The following COL11A1 variants were observed in gnomAD, a reference collection of about 807,000 sequenced individuals.
The protein encoded by COL11A1 is collagen alpha-1(XI) chain.
In COL11A1, 74 loss-of-function variants were observed where a neutral mutation model predicts 265.2. That is an observed-to-expected ratio of 0.28 (90% confidence interval 0.23 to 0.34). COL11A1 has a LOEUF of 0.34. COL11A1 is among the 10% of genes least tolerant of loss of function. COL11A1 has a pLI of 1.00. For missense variants in COL11A1, 2,165 were observed against 2,263.6 expected (o/e 0.96, Z 0.88); for synonymous variants, 816 against 727.6 (o/e 1.12, Z -1.96).
At chr1:102,881,593 T>C (rs1650249396) in intron 65 of COL11A1, 104 bp downstream of exon 65, 2 of 922,298 alleles carry the variant, frequency 2.2e-6, no homozygotes, top group Non-Finnish European at 3.5e-6. Context: ...GGAATCCTCA[T>C]TTAGCATAAT....
chr1:102,914,272 A>ATTTTT, intron 52 of COL11A1, 80 bp downstream of exon 52: 1 of 1,120,984 alleles, frequency 8.9e-7, no homozygotes, highest in African/African-American at 1.5e-5. Context: ...AGGTTATTAG[A>ATTTTT]TTTTTTTTTC....
chr1:103,027,344 C>T (rs3934352), intron 5 of COL11A1, among the ~76,000 whole-genome samples: 96,411 of 142,620 alleles, frequency 0.68, 34,459 homozygotes, highest in East Asian at 0.93. Flanking sequence ...TAACTAAATA[C>T]ACTAAGTCAT....
chr1:103,003,324 A>C, intron 20 of COL11A1, 56 bp from the exon 21 acceptor site: 1 of 1,507,466 alleles, frequency 6.6e-7, no homozygotes, highest in Admixed American at 1.8e-5. Context: ...TCCTAATAAC[A>C]TGCCTCTTTC....
intron 41 of COL11A1, among the ~76,000 whole-genome samples, chr1:102,960,114 C>G (rs990441672): frequency 6.6e-6 from 1 of 151,858 alleles, no homozygotes; most frequent in Non-Finnish European, 1.5e-5. Context: ...TTTATGAACT[C>G]CAGTGTAAGT....
chr1:103,014,742 G>A, intron 12 of COL11A1, 148 bp from the exon 13 acceptor site: 1 of 703,530 alleles, frequency 1.4e-6, no homozygotes, highest in Non-Finnish European at 2.5e-6. Flanking sequence ...ATGAGATCTA[G>A]TTTGTATTGT....
At chr1:102,978,626 G>C in intron 35 of COL11A1, 82 bp downstream of exon 35, 1 of 1,423,520 alleles carries the variant, frequency 7.0e-7, no homozygotes. Context: ...TGTATTAGCA[G>C]ACATATATCT....
chr1:102,933,590 G>A (rs960478716), intron 46 of COL11A1, among the ~76,000 whole-genome samples: 10 of 152,214 alleles, frequency 6.6e-5, no homozygotes, highest in Non-Finnish European at 1.5e-4. Context: ...GAGGCAGGCA[G>A]GCCTCCTTGA....
intron 41 of COL11A1, among the ~76,000 whole-genome samples, chr1:102,952,125 A>T (rs1167779737): frequency 6.8e-6 from 1 of 147,982 alleles, no homozygotes; most frequent in Non-Finnish European, 1.5e-5. Context: ...TTTGAGATGG[A>T]GTCTTGCTCT....
chr1:102,996,150 G>T, intron 26 of COL11A1, 108 bp from the exon 27 acceptor site: 1 of 1,102,732 alleles, frequency 9.1e-7, no homozygotes, highest in Non-Finnish European at 1.3e-6. Flanking sequence ...TTTTTCTACT[G>T]CTAATATTTG....
intron 10 of COL11A1, 53 bp downstream of exon 10, chr1:103,018,765 C>T (rs1018748041): frequency 3.0e-5 from 40 of 1,340,770 alleles, no homozygotes; most frequent in South Asian, 2.4e-4. Context: ...TAATAGAAAT[C>T]TTATATATGA....
intron 31 of COL11A1, chr1:102,979,655 T>G (rs2101685434): frequency 1.6e-6 from 1 of 626,770 alleles, no homozygotes; most frequent in East Asian, 3.2e-5. Context: ...ATTTTAGTTT[T>G]TAACCTTCTG....
chr1:102,998,178 G>C, intron 25 of COL11A1, 132 bp downstream of exon 25: 1 of 763,708 alleles, frequency 1.3e-6, no homozygotes, highest in South Asian at 1.7e-5. Context: ...GTATTTTAGA[G>C]AGATCAATGT....
At chr1:103,029,409 CAT>C (rs911067605) in intron 5 of COL11A1, among the ~76,000 whole-genome samples, 14 of 149,658 alleles carry the variant, frequency 9.4e-5, no homozygotes, top group African/African-American at 3.2e-4. Flanking sequence ...CATATAATGA[CAT>C]ATTAATAGAT....
Position 102,990,185 on chromosome 1 carries a change from C to CCAA in COL11A1, c.2341-617_2341-615dup, listed in dbSNP as rs933651133. On this transcript the variant is annotated intron_variant, in intron 28 of 66. Coordinates refer to ENST00000370096, the MANE Select transcript of COL11A1 (RefSeq NM_001854.4). The stretch of plus-strand genomic sequence containing the variant: ...GGTGACAGAGCAAGAACTTCTCCCC[C>CCAA]CAACAACAACAACAAGAACAACAAC... Among the ~76,000 whole-genome samples, 37 of 151,926 alleles carry CCAA rather than the reference C, an allele frequency of 2.4e-4. No individual in the cohort carries two copies. In the Middle Eastern group the frequency reaches 0.01, roughly 42 times the overall value.
intron 41 of COL11A1, among the ~76,000 whole-genome samples, chr1:102,959,775 CT>C (rs567121622): frequency 6.6e-5 from 10 of 152,116 alleles, no homozygotes; most frequent in Non-Finnish European, 1.3e-4. Flanking sequence ...ATTGTATCCC[CT>C]GGACATAGTA....
At chr1:103,025,637 T>C in intron 6 of COL11A1, 24 bp from the exon 7 acceptor site, 1 of 1,600,972 alleles carries the variant, frequency 6.2e-7, no homozygotes, top group Non-Finnish European at 8.6e-7. Flanking sequence ...CAGAAGAGAA[T>C]TAGTAAACAT....
At chr1:102,912,303 T>G in intron 53 of COL11A1, 91 bp from the exon 54 acceptor site, 2 of 930,970 alleles carry the variant, frequency 2.1e-6, no homozygotes. Flanking sequence ...ACCAACCCTC[T>G]TTCTTCATTT....
intron 14 of COL11A1, 109 bp downstream of exon 14, chr1:103,012,304 A>C: frequency 1.3e-6 from 1 of 792,092 alleles, no homozygotes; most frequent in South Asian, 1.5e-5. Flanking sequence ...GCATGAAAAC[A>C]TACCCTATTG....
At chr1:102,935,015 G>A in intron 45 of COL11A1, 45 bp downstream of exon 45, 1 of 1,580,304 alleles carries the variant, frequency 6.3e-7, no homozygotes. Flanking sequence ...ATTTAATCAG[G>A]GAGCTGTAAG....
Sources: gnomAD v4.1 joint callset for allele counts (sites outside exome capture counted in the v4.1 genomes callset) on GRCh38, gnomAD v4.1.1 for gene constraint, MANE v1.5 for transcripts, NCBI Gene and HGNC (gene_info 2026-07-23, HGNC 2026-07-21) for gene names.